KDM6A: variants seen among roughly 807,000 people sequenced by gnomAD.
The protein encoded by KDM6A is lysine demethylase 6A.
KDM6A carries 11 observed loss-of-function variants against 117.6 expected under a neutral mutation model. The ratio of observed to expected loss-of-function variants is 0.09; its 90% CI spans 0.06 to 0.15. The LOEUF (loss-of-function observed/expected upper bound fraction) is 0.15, where lower values mean the gene tolerates loss of function less well. Ranked by LOEUF, KDM6A falls within the 10% of genes least tolerant of loss-of-function variation. The pLI, the probability that KDM6A is intolerant of heterozygous loss-of-function variation, is 1.00. For synonymous variants in KDM6A, 384 were observed against 396.1 expected, an observed-to-expected ratio of 0.97 and a Z score of 0.36; for missense variants, 799 against 1,077.3, an observed-to-expected ratio of 0.74 and a Z score of 3.62.
At chrX:45,076,118 G>A (rs1288612362) in intron 18 of KDM6A, among the ~76,000 whole-genome samples, 1 of 111,272 alleles carries the variant, frequency 9.0e-6, no homozygotes, top group Non-Finnish European at 1.9e-5. Context: ...TATATACAGT[G>A]TCAGAGAGTA....
At chrX:45,105,044 G>T (rs2046474456) in intron 27 of KDM6A, among the ~76,000 whole-genome samples, 1 of 111,590 alleles carries the variant, frequency 9.0e-6, no homozygotes, top group African/African-American at 3.3e-5. Context: ...GTAACAAGTA[G>T]CCTGATACTC....
At chrX:45,103,462 C>G (rs1171615748) in intron 27 of KDM6A, among the ~76,000 whole-genome samples, 1 of 111,448 alleles carries the variant, frequency 9.0e-6, no homozygotes, top group Non-Finnish European at 1.9e-5. Flanking sequence ...ATCTCTCGCT[C>G]TCCTTTTAGT....
chrX:44,877,218 A>AT (rs1478947028), intron 2 of KDM6A, among the ~76,000 whole-genome samples: 1 of 111,763 alleles, frequency 8.9e-6, no homozygotes, highest in Non-Finnish European at 1.9e-5. Context: ...CATTGAAAGA[A>AT]TTTTTTGTTT....
rs757954946 is a variant in KDM6A, at chrX:44,873,667, C to T, written c.116C>T (p.Pro39Leu). Residue 39 changes from proline to leucine, a missense_variant, in exon 1 of 30, where the codon CCC (proline) becomes CTC (leucine). By Grantham distance (98) the Pro-to-Leu change is moderately conservative (BLOSUM62 -3). Around this residue, in one of 8 missense-constraint regions of KDM6A, gnomAD observed 89 missense variants for 117.8 expected, o/e 0.76. Transcript: ENST00000611820. ...KASGESEEAS[P>L]SLTAEEREAL... ...AGCGGCGAGAGCGAGGAGGCGTCCC[C>T]CAGCCTGACAGCCGAGGAGAGGGAG... The T allele has an allele frequency of 2.5e-6, 3 of 1,186,357 alleles. No individual in the cohort carries two copies. The South Asian group carries it at 5.5e-5, about 22-fold the overall frequency.
intron 8 of KDM6A, among the ~76,000 whole-genome samples, chrX:45,043,864 C>T (rs893853491): frequency 8.9e-5 from 10 of 111,958 alleles, no homozygotes; most frequent in African/African-American, 2.9e-4. Flanking sequence ...GTACATGTGC[C>T]GCACAATGAT....
At chrX:45,033,663 C>T (rs1419646408) in intron 6 of KDM6A, among the ~76,000 whole-genome samples, 2 of 110,355 alleles carry the variant, frequency 1.8e-5, no homozygotes, top group Non-Finnish European at 3.8e-5. Context: ...AAGGAATTCT[C>T]CCGTCTCAGC....
At chrX:45,076,470 T>A (rs191566566) in intron 18 of KDM6A, among the ~76,000 whole-genome samples, 34 of 111,024 alleles carry the variant, frequency 3.1e-4, no homozygotes, top group Admixed American at 3.0e-3. Flanking sequence ...ATAATTTATA[T>A]GTTGTGATAT....
chrX:44,982,824 CAGGT>C (rs2039979315), intron 4 of KDM6A, among the ~76,000 whole-genome samples: 2 of 111,277 alleles, frequency 1.8e-5, no homozygotes, highest in South Asian at 7.5e-4. Flanking sequence ...GGGTTAATGT[CAGGT>C]AGGAGAGAAA....
intron 8 of KDM6A, among the ~76,000 whole-genome samples, chrX:45,048,689 A>G (rs2043693264): frequency 9.2e-6 from 1 of 108,120 alleles, no homozygotes; most frequent in Admixed American, 1.0e-4. Flanking sequence ...AGAAAAAGGG[A>G]GTTACTCATC....
intron 27 of KDM6A, among the ~76,000 whole-genome samples, chrX:45,102,908 G>C (rs193044708): frequency 1.8e-5 from 2 of 110,479 alleles, no homozygotes; most frequent in East Asian, 5.7e-4. Context: ...CACAACCCTG[G>C]AGTGACAGGT....
intron 2 of KDM6A, among the ~76,000 whole-genome samples, chrX:44,942,748 G>C (rs1029967904): frequency 1.8e-5 from 2 of 109,695 alleles, no homozygotes; most frequent in Admixed American, 9.8e-5. Context: ...CACATATTTT[G>C]CTAGATTTAT....
intron 2 of KDM6A, among the ~76,000 whole-genome samples, chrX:44,879,731 T>C (rs1368128181): frequency 8.9e-6 from 1 of 112,270 alleles, no homozygotes; most frequent in East Asian, 2.8e-4. Context: ...TGAAAGTTTA[T>C]GAGAAAGGTA....
At chrX:45,009,394 G>A (rs765414406) in intron 4 of KDM6A, among the ~76,000 whole-genome samples, 4 of 111,581 alleles carry the variant, frequency 3.6e-5, no homozygotes, top group Non-Finnish European at 3.8e-5. Context: ...CAGTGAGGAC[G>A]ACCAGAGGTC....
At chrX:45,069,228 A>T (rs1194412247) in intron 17 of KDM6A, among the ~76,000 whole-genome samples, 1 of 111,834 alleles carries the variant, frequency 8.9e-6, no homozygotes, top group Non-Finnish European at 1.9e-5. Flanking sequence ...GTTTATGTTG[A>T]TCCATGGTCA....
In KDM6A at chrX:45,060,685, C is replaced by T. The variant is rs1257521801; in HGVS notation, c.1406C>T (p.Pro469Leu). The change falls in exon 14 of 30, where the codon CCA (proline) becomes CTA (leucine). Residue 469 changes from proline (P) to leucine (L), a missense_variant. Coordinates refer to ENST00000611820, the MANE Select transcript of KDM6A (RefSeq NM_001291415.2). ...SQTPISQQSL[P>L]LHMIPSSQVD... ...ACACCAATTTCACAGCAATCCTTGCCACTACACATGATTCCTTCTAGCCAA... is the reference window on the plus strand; with the variant it reads ...ACACCAATTTCACAGCAATCCTTGCTACTACACATGATTCCTTCTAGCCAA... The T allele has an allele frequency of 1.9e-6, 2 of 1,066,602 alleles. No individual in the cohort carries two copies. Among genetic ancestry groups the T allele is most frequent in the Non-Finnish European group, 2.5e-6 (2 of 808,485 alleles). 87.9% of individuals were successfully genotyped at this position (1,066,602 alleles called of 1,213,427 possible).
intron 2 of KDM6A, among the ~76,000 whole-genome samples, chrX:44,937,571 A>G (rs1602262980): frequency 8.9e-6 from 1 of 111,863 alleles, no homozygotes; most frequent in Non-Finnish European, 1.9e-5. Context: ...CGCATGTGCA[A>G]TAGTAAACTT....
In KDM6A at chrX:44,911,052, C is replaced by T. The variant is rs747949935; in HGVS notation, c.225+37065C>T. ...GGGGTGGCGGCCGGGCAGAGGGGCT[C>T]CTCACTTCCCAGAAGGGGCAGCTGG... is the stretch of plus-strand genomic sequence containing the variant. On this transcript the variant is annotated intron_variant, in intron 2 of 29. Coordinates refer to ENST00000611820, the MANE Select transcript of KDM6A (RefSeq NM_001291415.2). 2.7e-5 allele frequency among the ~76,000 whole-genome samples: 3 copies of T among 110,950 alleles called. No homozygotes were observed. In the South Asian group the frequency reaches 1.1e-3, roughly 41 times the overall value.
intron 8 of KDM6A, among the ~76,000 whole-genome samples, chrX:45,040,453 C>T (rs1185855824): frequency 1.3e-5 from 1 of 79,951 alleles, no homozygotes; most frequent in African/African-American, 4.6e-5. Context: ...GGGGCTGACC[C>T]CCCCCACCTC....
intron 4 of KDM6A, among the ~76,000 whole-genome samples, chrX:44,977,735 A>C (rs749343260): frequency 8.9e-6 from 1 of 111,954 alleles, no homozygotes; most frequent in African/African-American, 3.2e-5. Context: ...TTGTCAGCAG[A>C]CTTGCCAGTT....
Sources: gnomAD v4.1 joint callset for allele counts (sites outside exome capture counted in the v4.1 genomes callset) on GRCh38, gnomAD v4.1.1 for gene constraint, gnomAD v4.1.1 regional missense constraint, MANE v1.5 for transcripts, NCBI Gene and HGNC (gene_info 2026-07-23, HGNC 2026-07-21) for gene names.